LAMA1: variants seen among roughly 807,000 people sequenced by gnomAD.
LAMA1 encodes laminin subunit alpha-1.
LAMA1 carries 219 observed loss-of-function variants against 348.7 expected under a neutral mutation model. The observed-to-expected ratio is 0.63, with a 90% confidence interval of 0.56 to 0.70. LAMA1 has a LOEUF of 0.70. LAMA1 is among the 30% of genes least tolerant of loss of function. The probability of loss-of-function intolerance (pLI) is 0.00; values close to 1 mark genes in which losing one functional copy is unlikely to be tolerated. For synonymous variants in LAMA1, 1,487 were observed against 1,491.0 expected, an observed-to-expected ratio of 1.00 and a Z score of 0.06; for missense variants, 3,744 against 3,888.0, an observed-to-expected ratio of 0.96 and a Z score of 0.99.
intron 1 of LAMA1, among the ~76,000 whole-genome samples, chr18:7,102,895 G>A (rs994437177): frequency 9.2e-5 from 14 of 152,218 alleles, no homozygotes; most frequent in African/African-American, 3.4e-4. Flanking sequence ...TTCATCATCA[G>A]TAAATAATCC....
intron 18 of LAMA1, 119 bp from the exon 19 acceptor site, chr18:7,023,494 T>C (rs1356636958): frequency 1.2e-6 from 1 of 853,406 alleles, no homozygotes; most frequent in East Asian, 2.5e-5. Context: ...TGAGATTTAC[T>C]GTGAAAGGGA....
chr18:7,101,860 G>C (rs1294020624), intron 1 of LAMA1, among the ~76,000 whole-genome samples: 1 of 134,084 alleles, frequency 7.5e-6, no homozygotes, highest in South Asian at 2.3e-4. Flanking sequence ...TTTTTTTGTA[G>C]AGCTGGGGGG....
At chr18:7,104,520 G>A (rs958178993) in intron 1 of LAMA1, among the ~76,000 whole-genome samples, 1 of 152,184 alleles carries the variant, frequency 6.6e-6, no homozygotes, top group Non-Finnish European at 1.5e-5. Context: ...GCTGGAGTCC[G>A]TCAGAGTGCC....
At chr18:6,948,988 C>A in intron 59 of LAMA1, 113 bp downstream of exon 59, 1 of 1,369,268 alleles carries the variant, frequency 7.3e-7, no homozygotes, top group Non-Finnish European at 1.0e-6. Flanking sequence ...TCTTCACAAG[C>A]CCCAGGTTCA....
At chr18:7,048,494 C>T (rs1348479015) in intron 5 of LAMA1, among the ~76,000 whole-genome samples, 1 of 152,128 alleles carries the variant, frequency 6.6e-6, no homozygotes, top group Non-Finnish European at 1.5e-5. Context: ...TTCAGTGACC[C>T]TCCCATTTCA....
chr18:7,098,081 C>A lies in LAMA1; in HGVS notation c.62-17624G>T, dbSNP rs138471620. 4.0e-3 allele frequency among the ~76,000 whole-genome samples: 605 copies of A among 150,584 alleles called. 8 individuals carry two copies. Among genetic ancestry groups the A allele is most frequent in the African/African-American group, 0.014 (584 of 41,286 alleles). On this transcript the variant is annotated intron_variant, in intron 1 of 62. Transcript: ENST00000389658. ...GGCCAGGCCGGTCTCCAGCCCCTAA[C>A]CGCAAGTAATCCGCCAGCCTCAGCC...
rs542336256 is a variant in LAMA1 at position 6,970,595 on chromosome 18, T to C, written c.6899+1262A>G. On this transcript the variant is annotated intron_variant, in intron 48 of 62. Transcript: ENST00000389658. ...CAAACCCTATATTCTTTTTCAATCT[T>C]AAGGCTACAATCACCAAACCTCTGG... Among the ~76,000 whole-genome samples the C allele has an allele frequency of 2.1e-4, 32 of 151,882 alleles. No homozygotes were observed. The South Asian group carries it at 4.2e-3, about 20-fold the overall frequency.
chr18:7,059,931 A>G (rs2058096342), intron 3 of LAMA1, among the ~76,000 whole-genome samples: 1 of 152,248 alleles, frequency 6.6e-6, no homozygotes, highest in Admixed American at 6.5e-5. Context: ...TTTATGTCTC[A>G]TGAAATTATT....
intron 1 of LAMA1, among the ~76,000 whole-genome samples, chr18:7,111,308 A>T (rs191127754): frequency 6.6e-6 from 1 of 152,352 alleles, no homozygotes; most frequent in East Asian, 1.9e-4. Context: ...ACTTCGAGAT[A>T]AATGCTTACC....
In LAMA1 at chr18:7,032,131, C is replaced by T. The variant is rs756274643; in HGVS notation, c.2209G>A (p.Gly737Arg). The change falls in exon 16 of 63, where the codon GGA becomes AGA. Residue 737 changes from glycine (G) to arginine (R), a missense_variant. Transcript: ENST00000389658. The stretch of plus-strand genomic sequence containing the variant: ...TGGCATTCACAGGGTTGACAAATTC[C>T]TCCAAAGAGTATTCCATCCACGCGG... ...YYRVDGILFG[G>R]ICQPCECHGH... The T allele has an allele frequency of 2.5e-6, 4 of 1,614,224 alleles. No individual in the cohort carries two copies. The highest frequency in any genetic ancestry group is 8.5e-7 in the Non-Finnish European group (1 of 1,180,044).
chr18:6,966,372 C>T, intron 48 of LAMA1, 75 bp from the exon 49 acceptor site: 1 of 1,223,592 alleles, frequency 8.2e-7, no homozygotes, highest in Non-Finnish European at 1.2e-6. Context: ...TTACTGAGTT[C>T]TCCTTCACAA....
rs12953753 is a variant in LAMA1, at chr18:7,050,950, A to T, written c.346-14T>A. On this transcript the variant is annotated splice_polypyrimidine_tract_variant and intron_variant, in intron 3 of 62. Coordinates refer to ENST00000389658, the MANE Select transcript of LAMA1 (RefSeq NM_005559.4). ...AACTTGAAAGACCTGAAACAAAGACACTGAAAAGTCTCAATCCAGAATCAA... is the reference window on the plus strand; with the variant it reads ...AACTTGAAAGACCTGAAACAAAGACTCTGAAAAGTCTCAATCCAGAATCAA... 1 of 1,613,854 alleles carries T rather than the reference A, an allele frequency of 6.2e-7. No homozygotes were observed. Among genetic ancestry groups the T allele is most frequent in the Non-Finnish European group, 8.5e-7 (1 of 1,179,882 alleles).
rs2057607942 is a variant in LAMA1 at position 6,961,626 on chromosome 18, C to T, written c.7586G>A (p.Gly2529Glu). 1 of 1,613,964 alleles carries T rather than the reference C, an allele frequency of 6.2e-7. No homozygotes were observed. Among genetic ancestry groups the T allele is most frequent in the Non-Finnish European group, 8.5e-7 (1 of 1,180,046 alleles). ...ACGATCACCCCGCTTCTCCACATCC[C>T]CGCCGAGGGCAGCCAGGATGATGCC... is the stretch of plus-strand genomic sequence containing the variant. ...SSGIILAALG[G>E]DVEKRGDREE... Residue 2529 changes from glycine to glutamate, a missense_variant, in exon 53 of 63, where the codon GGG (glycine) becomes GAG (glutamate). By Grantham distance (98) the Gly-to-Glu change is moderately conservative. Transcript: ENST00000389658.
At chr18:6,954,827 C>G (rs754436863) in intron 57 of LAMA1, 7 of 207,864 alleles carry the variant, frequency 3.4e-5, no homozygotes, top group Non-Finnish European at 6.9e-5. Flanking sequence ...TGGAGGACCT[C>G]AGGAGGAGAG....
At chr18:6,956,261 A>C (rs2057576914) in intron 56 of LAMA1, 1 of 349,196 alleles carries the variant, frequency 2.9e-6, no homozygotes, top group Non-Finnish European at 5.5e-6. Flanking sequence ...AATGAATTGA[A>C]TCTTTTTTTT....
chr18:6,959,355 C>T lies in LAMA1; in HGVS notation c.7764G>A (p.Leu2588=), dbSNP rs577056597. ...CGTGCAAGTACCTCCGATTCCTGAC[C>T]AAGGAGATGGAATGCGCTTGTCCAT... is the stretch of plus-strand genomic sequence containing the variant. ...CSDGQAHSIS[L]VRNRRIITVQ... Residue 2588 remains leucine, a synonymous_variant, in exon 54 of 63, where the codon TTG becomes TTA. Transcript: ENST00000389658. The T allele has an allele frequency of 1.2e-6, 2 of 1,614,048 alleles. No homozygotes were observed. Among genetic ancestry groups the T allele is most frequent in the African/African-American group, 1.3e-5 (1 of 75,000 alleles).
At position 6,997,925 on chromosome 18, in the gene LAMA1, C is replaced by A. The variant is rs149130470; in HGVS notation, c.4664-41G>T. ...TTAAAAAGGAGAGTTAAAGTTAATG[C>A]GATGTGGTCTGCCCATTTTTTCATG... On this transcript the variant is annotated intron_variant, in intron 32 of 62. Coordinates refer to ENST00000389658, the MANE Select transcript of LAMA1 (RefSeq NM_005559.4). 1.3e-4 allele frequency: 206 copies of A among 1,594,968 alleles called. No individual in the cohort carries two copies. In the African/African-American group the frequency reaches 2.4e-3, roughly 18 times the overall value.
Position 6,978,291 on chromosome 18 carries a change from A to C in LAMA1, c.6095T>G (p.Leu2032Arg), listed in dbSNP as rs2057692139. The C allele has an allele frequency of 6.2e-7, 1 of 1,614,126 alleles. No individual in the cohort carries two copies. The highest frequency in any genetic ancestry group is 1.3e-5 in the African/African-American group (1 of 74,932). ...AVSTLRDVAG[L>R]SQELLNTSAS... ...AGATGTGTTCAGCAGCTCCTGGCTC[A>C]GCCCCGCCACGTCCCTCAGCGTGCT... Residue 2032 changes from leucine to arginine, a missense_variant, in exon 43 of 63, where the codon CTG (leucine) becomes CGG (arginine). By Grantham distance (102) the Leu-to-Arg change is moderately radical. This residue lies in a region of LAMA1 where 1,983 missense variants were observed against 1,934.3 expected (regional missense o/e 1.03). Coordinates refer to ENST00000389658, the MANE Select transcript of LAMA1 (RefSeq NM_005559.4).
At chr18:7,065,250 A>AAAAAAAAAC (rs1467543523) in intron 3 of LAMA1, among the ~76,000 whole-genome samples, 13 of 149,958 alleles carry the variant, frequency 8.7e-5, no homozygotes, top group African/African-American at 3.0e-4. Flanking sequence ...AAAAAAAAAA[A>AAAAAAAAAC]AAACAACGAC....
Sources: gnomAD v4.1 joint callset for allele counts (sites outside exome capture counted in the v4.1 genomes callset) on GRCh38, gnomAD v4.1.1 for gene constraint, gnomAD v4.1.1 regional missense constraint, MANE v1.5 for transcripts, NCBI Gene and HGNC (gene_info 2026-07-23, HGNC 2026-07-21) for gene names.